The following RYR2 variants were observed in gnomAD, a reference collection of about 807,000 sequenced individuals.
The protein encoded by RYR2 is ryanodine receptor 2.
Under a neutral mutation model 601.1 loss-of-function variants are expected in RYR2, and 227 were observed. The ratio of observed to expected loss-of-function variants is 0.38; its 90% confidence interval spans 0.34 to 0.42. RYR2 has a LOEUF of 0.42. RYR2 is among the 10% of genes least tolerant of loss of function. The probability of loss-of-function intolerance (pLI) is 1.00; values close to 1 mark genes in which losing one functional copy is unlikely to be tolerated. For missense variants in RYR2, 4,646 were observed against 6,156.5 expected, an observed-to-expected ratio of 0.75 and a Z score of 8.21; for synonymous variants, 2,223 against 2,175.1, an observed-to-expected ratio of 1.02 and a Z score of -0.61.
At chr1:237,352,849 C>T (rs952918454) in intron 3 of RYR2, 4 of 514,496 alleles carry the variant, frequency 7.8e-6, no homozygotes, top group Non-Finnish European at 1.6e-5. Flanking sequence ...AATAAATGGT[C>T]ATTTGGATAG....
At chr1:237,342,886 C>T (rs1479418995) in intron 3 of RYR2, among the ~76,000 whole-genome samples, 1 of 152,126 alleles carries the variant, frequency 6.6e-6, no homozygotes, top group Non-Finnish European at 1.5e-5. Context: ...ACAAGAAGAA[C>T]ATATTGAAAG....
chr1:237,822,210 A>T (rs1319444719), intron 101 of RYR2, among the ~76,000 whole-genome samples: 1 of 152,186 alleles, frequency 6.6e-6, no homozygotes, highest in African/African-American at 2.4e-5. Flanking sequence ...AGCAACCCCA[A>T]GACACATAAT....
At chr1:237,651,987 A>G (rs2148808057) in intron 51 of RYR2, among the ~76,000 whole-genome samples, 1 of 152,178 alleles carries the variant, frequency 6.6e-6, no homozygotes, top group South Asian at 2.1e-4. Context: ...CAGTGAGCCG[A>G]GATCGCACCA....
At chr1:237,682,323 G>A (rs1685957878) in intron 62 of RYR2, among the ~76,000 whole-genome samples, 1 of 152,108 alleles carries the variant, frequency 6.6e-6, no homozygotes, top group Non-Finnish European at 1.5e-5. Context: ...GCTAGCCTCA[G>A]TTGATGTCCC....
intron 41 of RYR2, among the ~76,000 whole-genome samples, chr1:237,631,187 T>A (rs1218475204): frequency 1.3e-5 from 2 of 152,246 alleles, no homozygotes; most frequent in African/African-American, 4.8e-5. Flanking sequence ...TTTAACTGTT[T>A]ACATTTTTAC....
At chr1:237,674,702 C>T in intron 59 of RYR2, 29 bp from the exon 60 acceptor site, 2 of 1,333,850 alleles carry the variant, frequency 1.5e-6, no homozygotes, top group Non-Finnish European at 2.2e-6. Context: ...GTACAAATTG[C>T]TTTCCCATTT....
intron 2 of RYR2, among the ~76,000 whole-genome samples, chr1:237,275,637 A>T (rs1313271537): frequency 1.3e-5 from 2 of 152,154 alleles, no homozygotes; most frequent in Non-Finnish European, 2.9e-5. Context: ...AAGAGACGTA[A>T]CACACTTCAA....
At chr1:237,798,776 TCA>T (rs72164792) in intron 97 of RYR2, among the ~76,000 whole-genome samples, 16,598 of 135,134 alleles carry the variant, frequency 0.12, 1,540 homozygotes, top group African/African-American at 0.28. Flanking sequence ...AATTTAAATG[TCA>T]CACACACACA....
intron 1 of RYR2, among the ~76,000 whole-genome samples, chr1:237,138,016 A>G (rs1028100075): frequency 6.6e-6 from 1 of 151,374 alleles, no homozygotes; most frequent in Non-Finnish European, 1.5e-5. Context: ...TGCACTGGAT[A>G]TATTTTATTT....
intron 7 of RYR2, among the ~76,000 whole-genome samples, chr1:237,375,698 A>T (rs999435062): frequency 3.3e-5 from 5 of 152,154 alleles, no homozygotes; most frequent in Admixed American, 2.6e-4. Context: ...AAGATAAATA[A>T]ATATATTATT....
chr1:237,819,897 G>GACAT lies in RYR2; in HGVS notation c.14590+709_14590+712dup. ...TGTGGTTGTTGAGATTTTTAAAAATGACATACAGGCCAGGCGCAGGGGCTC... is the reference window on the plus strand; with the variant it reads ...TGTGGTTGTTGAGATTTTTAAAAATGACATACATACAGGCCAGGCGCAGGGGCTC... On this transcript the variant is annotated intron_variant, in intron 101 of 104. Coordinates refer to ENST00000366574, the MANE Select transcript of RYR2 (RefSeq NM_001035.3). This position sits in a 1 kb window ranked among gnomAD's most constrained non-coding sequence, Gnocchi z 4.0. Among the ~76,000 whole-genome samples, 1 of 151,960 alleles carries GACAT rather than the reference G, an allele frequency of 6.6e-6. No individual in the cohort carries two copies. Among genetic ancestry groups the GACAT allele is most frequent in the South Asian group, 2.1e-4 (1 of 4,800 alleles).
intron 11 of RYR2, among the ~76,000 whole-genome samples, chr1:237,421,508 A>C (rs901245880): frequency 6.6e-6 from 1 of 152,184 alleles, no homozygotes; most frequent in Non-Finnish European, 1.5e-5. Flanking sequence ...TGTGAAAATG[A>C]ACTTGTTATA....
intron 37 of RYR2, among the ~76,000 whole-genome samples, chr1:237,615,082 A>G (rs1678323669): frequency 6.6e-6 from 1 of 152,184 alleles, no homozygotes; most frequent in African/African-American, 2.4e-5. Flanking sequence ...ACAAGCCATC[A>G]AATACCCCTT....
At chr1:237,265,719 T>C (rs1472859418) in intron 1 of RYR2, among the ~76,000 whole-genome samples, 1 of 152,218 alleles carries the variant, frequency 6.6e-6, no homozygotes, top group Non-Finnish European at 1.5e-5. Flanking sequence ...TGGTGTGGCC[T>C]CAAGCTAAAG....
At chr1:237,603,020 G>A (rs372672926) in intron 35 of RYR2, among the ~76,000 whole-genome samples, 12 of 152,190 alleles carry the variant, frequency 7.9e-5, no homozygotes, top group African/African-American at 2.7e-4. Context: ...GCGAAGGCCC[G>A]TGGTGGGTGA....
At chr1:237,785,730 A>T (rs1195765597) in intron 90 of RYR2, among the ~76,000 whole-genome samples, 1 of 152,208 alleles carries the variant, frequency 6.6e-6, no homozygotes, top group Non-Finnish European at 1.5e-5. Context: ...TAAATGAGAA[A>T]AGAGAGTGAA....
chr1:237,055,171 C>T (rs551206776), intron 1 of RYR2, among the ~76,000 whole-genome samples: 8 of 152,078 alleles, frequency 5.3e-5, no homozygotes, highest in East Asian at 3.8e-4. Context: ...GATGCGAAGG[C>T]GGGAAGCACG....
intron 74 of RYR2, among the ~76,000 whole-genome samples, chr1:237,723,984 T>G (rs1183674935): frequency 6.6e-6 from 1 of 151,818 alleles, no homozygotes; most frequent in Non-Finnish European, 1.5e-5. Context: ...CAGAGATATA[T>G]TATCTATTTC....
intron 40 of RYR2, 36 bp downstream of exon 40, chr1:237,625,840 A>C (rs1241360840): frequency 6.2e-7 from 1 of 1,606,130 alleles, no homozygotes; most frequent in South Asian, 1.1e-5. Flanking sequence ...AGAATGACCC[A>C]ACTGCTGACA....
Sources: allele counts gnomAD v4.1 joint callset (sites outside exome capture counted in the v4.1 genomes callset), GRCh38; gene constraint gnomAD v4.1.1; non-coding constraint Gnocchi (gnomAD v3.1); transcripts MANE v1.5; gene names NCBI Gene and HGNC (gene_info 2026-07-23, HGNC 2026-07-21).